The following RAPGEF2 variants were observed in gnomAD, a reference collection of about 807,000 sequenced individuals.
RAPGEF2 encodes the protein Rap guanine nucleotide exchange factor 2.
In RAPGEF2, 54 loss-of-function variants were observed where a neutral mutation model predicts 186.7. The ratio of observed to expected loss-of-function variants is 0.29; its 90% CI spans 0.23 to 0.36. The LOEUF (loss-of-function observed/expected upper bound fraction) is 0.36, where lower values mean the gene tolerates loss of function less well. Ranked by LOEUF, RAPGEF2 falls within the 10% of genes least tolerant of loss-of-function variation. The pLI is 1.00. For synonymous variants in RAPGEF2, 712 were observed against 705.9 expected (o/e 1.01, Z -0.14); for missense variants, 1,532 against 2,045.0 (o/e 0.75, Z 4.84).
intron 1 of RAPGEF2, among the ~76,000 whole-genome samples, chr4:159,160,700 TG>T (rs1452725598): frequency 4.6e-5 from 7 of 152,162 alleles, no homozygotes; most frequent in Non-Finnish European, 1.0e-4. Context: ...TGTTACTTTG[TG>T]CCTTAAAATA....
intron 7 of RAPGEF2, among the ~76,000 whole-genome samples, chr4:159,253,972 A>G (rs1414137416): frequency 6.6e-6 from 1 of 152,218 alleles, no homozygotes; most frequent in Non-Finnish European, 1.5e-5. Flanking sequence ...TTCTGTGAAA[A>G]AAAGGTGCCA....
chr4:159,341,255 T>C (rs1035164992), intron 19 of RAPGEF2, among the ~76,000 whole-genome samples: 1 of 152,212 alleles, frequency 6.6e-6, no homozygotes, highest in South Asian at 2.1e-4. Flanking sequence ...AATGTGGATA[T>C]TTTCTGTTAT....
At chr4:159,165,158 C>T (rs934105534) in intron 1 of RAPGEF2, among the ~76,000 whole-genome samples, 3 of 151,920 alleles carry the variant, frequency 2.0e-5, no homozygotes, top group Admixed American at 6.6e-5. Flanking sequence ...TAATTATCTC[C>T]GATATTTGAT....
intron 1 of RAPGEF2, among the ~76,000 whole-genome samples, chr4:159,182,386 C>CTTCTTTT (rs1747099915): frequency 1.2e-5 from 1 of 85,690 alleles, no homozygotes; most frequent in African/African-American, 4.4e-5. Flanking sequence ...TTCTTTTCTT[C>CTTCTTTT]TTTTTTTTTT....
At chr4:159,182,386 CTTTTTTTTTTT>C (rs575743979) in intron 1 of RAPGEF2, among the ~76,000 whole-genome samples, 19 of 85,674 alleles carry the variant, frequency 2.2e-4, no homozygotes, top group African/African-American at 6.5e-4. Flanking sequence ...TTCTTTTCTT[CTTTTTTTTTTT>C]TTTTTTTTTT....
chr4:159,344,937 A>T (rs1236281266), intron 23 of RAPGEF2, among the ~76,000 whole-genome samples, 169 bp from the exon 24 acceptor site: 1 of 152,202 alleles, frequency 6.6e-6, no homozygotes, highest in Non-Finnish European at 1.5e-5. Flanking sequence ...AATTTTCTTT[A>T]AATTTTTAAA....
intron 7 of RAPGEF2, among the ~76,000 whole-genome samples, chr4:159,302,956 A>G (rs1056953012): frequency 6.6e-6 from 1 of 151,916 alleles, no homozygotes; most frequent in African/African-American, 2.4e-5. Flanking sequence ...CAACAAATGA[A>G]TTTTTCTCCA....
chr4:159,335,041 C>A (rs866158932), intron 17 of RAPGEF2, among the ~76,000 whole-genome samples: 1 of 152,044 alleles, frequency 6.6e-6, no homozygotes, highest in Admixed American at 6.5e-5. Context: ...TATAAATTAT[C>A]ATTTGTGTAT....
chr4:159,180,915 C>G (rs1746944024), intron 1 of RAPGEF2, among the ~76,000 whole-genome samples: 1 of 152,036 alleles, frequency 6.6e-6, no homozygotes, highest in African/African-American at 2.4e-5. Context: ...TGATAATATT[C>G]CATTCTTTAC....
rs1244248318 is a variant in RAPGEF2, at chr4:159,359,747, T to C, written c.*1608T>C. The C allele has an allele frequency of 6.6e-6, 1 of 152,256 alleles. No homozygotes were observed. Among genetic ancestry groups the C allele is most frequent in the Non-Finnish European group, 1.5e-5 (1 of 68,044 alleles). The allele number at this position is 152,256 out of a possible 1,614,324, so 9.4% of individuals were successfully genotyped here. A position where few individuals can be genotyped will look rare whatever the true frequency, so the allele number is the denominator to read the frequency against. On this transcript the variant is annotated 3_prime_UTR_variant, in exon 30 of 30. Transcript: ENST00000691494. Reference sequence around the variant, plus strand: ...TACTTGCTTATTACATTGTCAATTATGCATTTGTAATTTTACATGTAATAT... The same window carrying C: ...TACTTGCTTATTACATTGTCAATTACGCATTTGTAATTTTACATGTAATAT...
chr4:159,189,443 C>CAAGA (rs1747890859), intron 2 of RAPGEF2, among the ~76,000 whole-genome samples: 1 of 151,700 alleles, frequency 6.6e-6, no homozygotes, highest in African/African-American at 2.4e-5. Flanking sequence ...TTTATATAGG[C>CAAGA]AAGAAGCAGC....
chr4:159,241,381 A>C lies in RAPGEF2; in HGVS notation c.525+13A>C. ...AGGCTATCACACGGTAAGTTATACA[A>C]GTATAATATTTTTATTTATTTCTAG... On this transcript the variant is annotated intron_variant, in intron 6 of 29. Coordinates refer to ENST00000691494, the MANE Select transcript of RAPGEF2 (RefSeq NM_001394067.2). 1 of 1,330,242 alleles carries C rather than the reference A, an allele frequency of 7.5e-7. No homozygotes were observed. The highest frequency in any genetic ancestry group is 1.5e-5 in the African/African-American group (1 of 66,884). The allele number at this position is 1,330,242 out of a possible 1,614,324, so 82.4% of individuals were successfully genotyped here.
chr4:159,201,544 GT>G (rs1164914654), intron 3 of RAPGEF2, among the ~76,000 whole-genome samples: 3 of 152,202 alleles, frequency 2.0e-5, no homozygotes, highest in African/African-American at 7.2e-5. Flanking sequence ...TTTCACTGTG[GT>G]TTTTTGGCAT....
At chr4:159,268,203 G>A in intron 7 of RAPGEF2, 3 of 1,600,650 alleles carry the variant, frequency 1.9e-6, no homozygotes, top group Admixed American at 1.7e-5. Flanking sequence ...TGGGCCAGCA[G>A]GAGAAACACT....
intron 7 of RAPGEF2, among the ~76,000 whole-genome samples, chr4:159,265,783 G>A (rs1757357119): frequency 6.6e-6 from 1 of 152,104 alleles, no homozygotes; most frequent in Non-Finnish European, 1.5e-5. Context: ...AGTTCTCAAG[G>A]CAAAAAATAA....
At chr4:159,121,882 A>AC (rs1415427945) in intron 1 of RAPGEF2, among the ~76,000 whole-genome samples, 17 of 150,512 alleles carry the variant, frequency 1.1e-4, no homozygotes, top group Admixed American at 1.1e-3. Flanking sequence ...TACAAAAAAA[A>AC]AAAAATTAGC....
chr4:159,355,878 G>GCCCGGC lies in RAPGEF2; in HGVS notation c.4680_4681insGGCCCC (p.Pro1560_Pro1561insGlyPro). 6.6e-7 allele frequency: 1 copy of GCCCGGC among 1,515,856 alleles called. No homozygotes were observed. The highest frequency in any genetic ancestry group is 8.9e-7 in the Non-Finnish European group (1 of 1,117,992). 93.9% of individuals were successfully genotyped at this position (1,515,856 alleles called of 1,614,324 possible). A position where few individuals can be genotyped will look rare whatever the true frequency, so the allele number is the denominator to read the frequency against. On this transcript the variant is annotated inframe_insertion, in exon 29 of 30. Coordinates refer to ENST00000691494, the MANE Select transcript of RAPGEF2 (RefSeq NM_001394067.2). The stretch of plus-strand genomic sequence containing the variant: ...CACGAAAGGAGGGCAGGTATCGAGA[G>GCCCGGC]CCCCCGCCCACCCCTCCCGGCTACA...
chr4:159,243,995 G>A (rs1487071161), intron 7 of RAPGEF2, among the ~76,000 whole-genome samples: 1 of 151,900 alleles, frequency 6.6e-6, no homozygotes, highest in African/African-American at 2.4e-5. Context: ...GATTGTCCAT[G>A]TTGAAGAAAG....
intron 1 of RAPGEF2, among the ~76,000 whole-genome samples, chr4:159,158,640 C>CA (rs1236063690): frequency 2.0e-5 from 3 of 150,316 alleles, no homozygotes; most frequent in Admixed American, 6.6e-5. Flanking sequence ...TGGTCGCAAA[C>CA]AAAAAAAAAG....
Sources: gnomAD v4.1 joint callset for allele counts (sites outside exome capture counted in the v4.1 genomes callset) on GRCh38, gnomAD v4.1.1 for gene constraint, MANE v1.5 for transcripts, NCBI Gene and HGNC (gene_info 2026-07-23, HGNC 2026-07-21) for gene names.